The following STX11 variants were observed in gnomAD, a reference collection of about 807,000 sequenced individuals.
STX11 encodes the protein syntaxin-11.
In STX11, 21 loss-of-function variants were observed where a neutral mutation model predicts 19.9. The ratio of observed to expected loss-of-function variants is 1.06; its 90% CI spans 0.75 to 1.52. The LOEUF is 1.52. Ranked by LOEUF, STX11 falls within the 40% of genes most tolerant of loss-of-function variation. The pLI, the probability that STX11 is intolerant of heterozygous loss-of-function variation, is 0.00. For missense variants in STX11, 438 were observed against 405.9 expected, an observed-to-expected ratio of 1.08 and a Z score of -0.68; for synonymous variants, 193 against 174.4, an observed-to-expected ratio of 1.11 and a Z score of -0.84.
rs758762466 is a variant in STX11, at chr6:144,177,631, T to G, written c.-5-8992T>G. ...CGGGTGTGGTGGTGCACACCTGTAA[T>G]CCCAGCTACTCAGGAGGCTGAGGCA... On this transcript the variant is annotated intron_variant, in intron 1 of 1. Transcript: ENST00000367568. The surrounding 1 kb of genome is among the most constrained non-coding windows in gnomAD (Gnocchi z 4.4). 2.6e-5 allele frequency among the ~76,000 whole-genome samples: 4 copies of G among 152,086 alleles called. No homozygotes were observed. The highest frequency in any genetic ancestry group is 6.6e-5 in the Admixed American group (1 of 15,260).
At position 144,162,209 on chromosome 6, in the gene STX11, C is replaced by T. The variant is rs1344821956; in HGVS notation, c.-6+11506C>T. Among the ~76,000 whole-genome samples, 5 of 152,320 alleles carry T rather than the reference C, an allele frequency of 3.3e-5. No homozygotes were observed. The highest frequency in any genetic ancestry group is 3.9e-4 in the East Asian group (2 of 5,182). On this transcript the variant is annotated intron_variant, in intron 1 of 1. Coordinates refer to ENST00000367568, the MANE Select transcript of STX11 (RefSeq NM_003764.4). This position sits in a 1 kb window ranked among gnomAD's most constrained non-coding sequence, Gnocchi z 4.6. ...CCAACTTGTTATTACCCCACCATCA[C>T]GCCCTTTCCCGTAGATACTCGGCCT...
At chr6:144,181,172 T>C (rs1801903184) in intron 1 of STX11, among the ~76,000 whole-genome samples, 1 of 152,188 alleles carries the variant, frequency 6.6e-6, no homozygotes, top group South Asian at 2.1e-4. Flanking sequence ...AAAGCCACCA[T>C]CTTTCCAGTG....
rs2128753605 is a variant in STX11, at chr6:144,177,693, T to C, written c.-5-8930T>C. On this transcript the variant is annotated intron_variant, in intron 1 of 1. Transcript: ENST00000367568. This position sits in a 1 kb window ranked among gnomAD's most constrained non-coding sequence, Gnocchi z 4.4. ...TGAACCCGGGAGGCAAAGGTTGCGG[T>C]GAGCCAAGATTGCACCACTGCACTC... Among the ~76,000 whole-genome samples the C allele has an allele frequency of 6.6e-6, 1 of 152,262 alleles. No individual in the cohort carries two copies. Among genetic ancestry groups the C allele is most frequent in the East Asian group, 1.9e-4 (1 of 5,182 alleles).
Position 144,186,973 on chromosome 6 carries a change from G to A in STX11, c.346G>A (p.Ala116Thr), listed in dbSNP as rs755668209. The A allele has an allele frequency of 1.9e-6, 3 of 1,608,778 alleles. No individual in the cohort carries two copies. The highest frequency in any genetic ancestry group is 1.7e-6 in the Non-Finnish European group (2 of 1,179,556). Residue 116 changes from alanine to threonine, a missense_variant, in exon 2 of 2, where the codon GCC becomes ACC. Physicochemically the swap from Ala to Thr is moderately conservative, Grantham distance 58. Coordinates refer to ENST00000367568, the MANE Select transcript of STX11 (RefSeq NM_003764.4). ...AMKELSEAAE[A>T]QHGPHSAVAR... Reference sequence around the variant, plus strand: ...GAAGGAGCTGAGCGAGGCGGCTGAGGCCCAGCACGGCCCGCACTCGGCAGT... The same window carrying A: ...GAAGGAGCTGAGCGAGGCGGCTGAGACCCAGCACGGCCCGCACTCGGCAGT...
Position 144,176,804 on chromosome 6 carries a change from C to T in STX11, c.-5-9819C>T, listed in dbSNP as rs1050582727. Among the ~76,000 whole-genome samples the T allele has an allele frequency of 1.3e-5, 2 of 152,038 alleles. No individual in the cohort carries two copies. The highest frequency in any genetic ancestry group is 2.9e-5 in the Non-Finnish European group (2 of 68,018). ...TTTTTAAAAAGCAAGGAAGTGTGTC[C>T]AGGCATTTTAGAAGAGGATTTCCAA... On this transcript the variant is annotated intron_variant, in intron 1 of 1. Transcript: ENST00000367568. The surrounding 1 kb of genome is among the most constrained non-coding windows in gnomAD (Gnocchi z 4.1).
the STX11 span, among the ~76,000 whole-genome samples, chr6:144,141,660 TTG>T: frequency 4.7e-5 from 4 of 84,888 alleles, no homozygotes; most frequent in African/African-American, 2.1e-4. Flanking sequence ...AGTTTTGTTG[TTG>T]TTGTTGTTGT....
intron 1 of STX11, among the ~76,000 whole-genome samples, chr6:144,173,022 A>G (rs989816501): frequency 6.6e-6 from 1 of 152,188 alleles, no homozygotes; most frequent in African/African-American, 2.4e-5. Flanking sequence ...TCTGCTTTTC[A>G]GAAGTGGTTT....
chr6:144,159,505 C>G lies in STX11; in HGVS notation c.-6+8802C>G, dbSNP rs934483165. On this transcript the variant is annotated intron_variant, in intron 1 of 1. Transcript: ENST00000367568. This position sits in a 1 kb window ranked among gnomAD's most constrained non-coding sequence, Gnocchi z 4.3. ...GGAAGATCTTTTGGTTGAGCTAGTTCAAAATTGACTCTGTGTGTGTGTGTG... is the reference window on the plus strand; with the variant it reads ...GGAAGATCTTTTGGTTGAGCTAGTTGAAAATTGACTCTGTGTGTGTGTGTG... Among the ~76,000 whole-genome samples the G allele has an allele frequency of 1.2e-5, 1 of 85,352 alleles. No homozygotes were observed. Among genetic ancestry groups the G allele is most frequent in the African/African-American group, 5.4e-5 (1 of 18,394 alleles). The allele number at this position is 85,352 out of a possible 152,430, so 56.0% of individuals were successfully genotyped here.
chr6:144,176,232 C>T lies in STX11; in HGVS notation c.-5-10391C>T, dbSNP rs1174796303. ...CCTCCCCACACTAGCGCCTCCCACC[C>T]TAACTCCCCCAACAGCTTCAGTGCA... On this transcript the variant is annotated intron_variant, in intron 1 of 1. Coordinates refer to ENST00000367568, the MANE Select transcript of STX11 (RefSeq NM_003764.4). This position sits in a 1 kb window ranked among gnomAD's most constrained non-coding sequence, Gnocchi z 4.1. 6.6e-6 allele frequency among the ~76,000 whole-genome samples: 1 copy of T among 152,172 alleles called. No homozygotes were observed. The highest frequency in any genetic ancestry group is 1.5e-5 in the Non-Finnish European group (1 of 68,034).
Position 144,176,198 on chromosome 6 carries a change from G to A in STX11, c.-5-10425G>A, listed in dbSNP as rs569212366. Among the ~76,000 whole-genome samples, 15 of 151,956 alleles carry A rather than the reference G, an allele frequency of 9.9e-5. No individual in the cohort carries two copies. The South Asian group carries it at 2.9e-3, about 30-fold the overall frequency. On this transcript the variant is annotated intron_variant, in intron 1 of 1. Coordinates refer to ENST00000367568, the MANE Select transcript of STX11 (RefSeq NM_003764.4). This position sits in a 1 kb window ranked among gnomAD's most constrained non-coding sequence, Gnocchi z 4.1. Reference sequence around the variant, plus strand: ...CTCCTTAACAACACTAGCGCCTCCCGACCTAGTACCTCCCCACACTAGCGC... The same window carrying A: ...CTCCTTAACAACACTAGCGCCTCCCAACCTAGTACCTCCCCACACTAGCGC...
Position 144,151,258 on chromosome 6 carries a change from A to C in STX11, c.-6+555A>C. 1 of 985,410 alleles carries C rather than the reference A, an allele frequency of 1.0e-6. No individual in the cohort carries two copies. Among genetic ancestry groups the C allele is most frequent in the Non-Finnish European group, 1.2e-6 (1 of 829,918 alleles). The allele number at this position is 985,410 out of a possible 1,614,324, so 61.0% of individuals were successfully genotyped here. A position where few individuals can be genotyped will look rare whatever the true frequency, so the allele number is the denominator to read the frequency against. On this transcript the variant is annotated intron_variant, in intron 1 of 1. Transcript: ENST00000367568. The surrounding 1 kb of genome is among the most constrained non-coding windows in gnomAD (Gnocchi z 4.6). ...TAGAAACATGGAGAGAAGTAGTGGC[A>C]ATGCCTGCGAGAGCCACGCCGTCCT...
intron 1 of STX11, among the ~76,000 whole-genome samples, chr6:144,173,455 T>C (rs1195729554): frequency 6.6e-6 from 1 of 152,182 alleles, no homozygotes; most frequent in Non-Finnish European, 1.5e-5. Context: ...ATTTCTTACT[T>C]AGAATTGTTT....
At position 144,160,424 on chromosome 6, in the gene STX11, AT is replaced by A. The variant is rs1263748509; in HGVS notation, c.-6+9724del. Among the ~76,000 whole-genome samples, 39 of 152,274 alleles carry A rather than the reference AT, an allele frequency of 2.6e-4. No homozygotes were observed. Among genetic ancestry groups the A allele is most frequent in the Admixed American group, 1.6e-3 (24 of 15,294 alleles). On this transcript the variant is annotated intron_variant, in intron 1 of 1. Transcript: ENST00000367568. This position sits in a 1 kb window ranked among gnomAD's most constrained non-coding sequence, Gnocchi z 4.3. ...CTTTGCAGCTCTTCTGCTGCAATTT[AT>A]TTACATTTATTATATTCAATAGATA...
Position 144,186,851 on chromosome 6 carries a change from C to G in STX11, c.224C>G (p.Ser75Cys), listed in dbSNP as rs1238293201. ...LGKQNARFLT[S>C]MRRLSSIKRD... Reference sequence around the variant, plus strand: ...AAGCAGAACGCCCGCTTCCTCACGTCCATGCGGCGCCTCAGCAGCATCAAG... The same window carrying G: ...AAGCAGAACGCCCGCTTCCTCACGTGCATGCGGCGCCTCAGCAGCATCAAG... Residue 75 changes from serine to cysteine, a missense_variant, in exon 2 of 2, where the codon TCC becomes TGC. Ser to Cys is a moderately radical substitution (Grantham distance 112, BLOSUM62 -1). Coordinates refer to ENST00000367568, the MANE Select transcript of STX11 (RefSeq NM_003764.4). 1 of 1,613,060 alleles carries G rather than the reference C, an allele frequency of 6.2e-7. No homozygotes were observed.
upstream of STX11, among the ~76,000 whole-genome samples, chr6:144,147,912 A>G (rs1800905991): frequency 6.6e-6 from 1 of 152,310 alleles, no homozygotes; most frequent in African/African-American, 2.4e-5. The surrounding 1 kb of genome is among the most constrained non-coding windows in gnomAD (Gnocchi z 4.2). Context: ...TCTCAAAAAA[A>G]TTAAAAATGT....
upstream of STX11, chr6:144,150,490 G>GCGGCGGGGGCTGAGC (rs1800970945): frequency 3.0e-6 from 3 of 985,098 alleles, no homozygotes; most frequent in African/African-American, 1.7e-5. Flanking sequence ...CGCTTCCTAA[G>GCGGCGGGGGCTGAGC]CGGCGGGGGC....
rs1198875284 is a variant in STX11 at position 144,165,400 on chromosome 6, A to G, written c.-6+14697A>G. Among the ~76,000 whole-genome samples the G allele has an allele frequency of 6.6e-6, 1 of 152,106 alleles. No individual in the cohort carries two copies. Among genetic ancestry groups the G allele is most frequent in the Non-Finnish European group, 1.5e-5 (1 of 68,020 alleles). ...AACCCGGGAGGCGGAGGTTGCGGTGAGCAGAGATCGCGCCATTGCACTCCA... is the reference window on the plus strand; with the variant it reads ...AACCCGGGAGGCGGAGGTTGCGGTGGGCAGAGATCGCGCCATTGCACTCCA... On this transcript the variant is annotated intron_variant, in intron 1 of 1. Coordinates refer to ENST00000367568, the MANE Select transcript of STX11 (RefSeq NM_003764.4). This position sits in a 1 kb window ranked among gnomAD's most constrained non-coding sequence, Gnocchi z 5.8.
the STX11 span, among the ~76,000 whole-genome samples, chr6:144,144,073 G>GCTTA: frequency 2.0e-5 from 3 of 152,190 alleles, no homozygotes; most frequent in Non-Finnish European, 4.4e-5. Flanking sequence ...TCAACTCAGT[G>GCTTA]CTTACTACAG....
chr6:144,156,545 A>T (rs1448845378), intron 1 of STX11, among the ~76,000 whole-genome samples: 1 of 152,236 alleles, frequency 6.6e-6, no homozygotes, highest in Non-Finnish European at 1.5e-5. Flanking sequence ...AGCTTTTCAG[A>T]ATAGTGAAAT....
Sources: gnomAD v4.1 joint callset for allele counts (sites outside exome capture counted in the v4.1 genomes callset) on GRCh38, gnomAD v4.1.1 for gene constraint, Gnocchi (gnomAD v3.1) non-coding constraint, MANE v1.5 for transcripts, NCBI Gene and HGNC (gene_info 2026-07-23, HGNC 2026-07-21) for gene names.